Variants in PNPLA1 observed in about 807,000 individuals in gnomAD.
PNPLA1 encodes the protein omega-hydroxyceramide transacylase.
PNPLA1 carries 36 observed loss-of-function variants against 51.7 expected under a neutral mutation model. The observed-to-expected ratio is 0.70, with a 90% confidence interval of 0.53 to 0.92. The LOEUF (loss-of-function observed/expected upper bound fraction) is 0.92. PNPLA1 is among the 40% of genes least tolerant of loss of function. The pLI, the probability that PNPLA1 is intolerant of heterozygous loss-of-function variation, is 0.00. For synonymous variants in PNPLA1, 293 were observed against 280.1 expected (o/e 1.05, Z -0.46); for missense variants, 658 against 682.5 (o/e 0.96, Z 0.40).
Position 36,263,193 on chromosome 6 carries a change from T to A in PNPLA1, c.-81+19932T>A, listed in dbSNP as rs575939089. Among the ~76,000 whole-genome samples the A allele has an allele frequency of 3.9e-5, 6 of 152,314 alleles. No homozygotes were observed. The South Asian group carries it at 1.2e-3, about 32-fold the overall frequency. ...AAAAGAATGACACAATTTATTACAT[T>A]AAAATTTAAATCTTTTGTATCACCG... On this transcript the variant is annotated intron_variant, in intron 1 of 7. Coordinates refer to the PNPLA1 transcript ENST00000312917.
At chr6:36,304,769 A>C (rs1337753666) in intron 6 of PNPLA1, among the ~76,000 whole-genome samples, 3 of 152,064 alleles carry the variant, frequency 2.0e-5, no homozygotes, top group African/African-American at 7.2e-5. Flanking sequence ...TACCTGAGCA[A>C]TCCTGCACCC....
At chr6:36,288,032 C>T (rs1262437392) in intron 1 of PNPLA1, among the ~76,000 whole-genome samples, 2 of 152,190 alleles carry the variant, frequency 1.3e-5, no homozygotes, top group East Asian at 3.8e-4. Context: ...TGTCACCCAA[C>T]CCTACCCCTG....
At chr6:36,310,624 G>C (rs1331545928) in intron 8 of PNPLA1, among the ~76,000 whole-genome samples, 1 of 152,204 alleles carries the variant, frequency 6.6e-6, no homozygotes, top group Admixed American at 6.5e-5. Context: ...GGCACAGAGA[G>C]GTTAAGTAAC....
chr6:36,270,751 T>C (rs977164587), intron 1 of PNPLA1, 87 bp downstream of exon 1: 1 of 1,456,108 alleles, frequency 6.9e-7, no homozygotes. Flanking sequence ...GGGGATGCTT[T>C]GGGGGACAAA....
chr6:36,284,803 AT>A (rs1262860386), intron 1 of PNPLA1, among the ~76,000 whole-genome samples: 2 of 152,132 alleles, frequency 1.3e-5, no homozygotes, highest in African/African-American at 4.8e-5. Flanking sequence ...GAACAGCCAC[AT>A]TTTTAGCTGT....
At chr6:36,249,111 G>A (rs1656372625) in intron 1 of PNPLA1, among the ~76,000 whole-genome samples, 1 of 152,186 alleles carries the variant, frequency 6.6e-6, no homozygotes, top group African/African-American at 2.4e-5. Flanking sequence ...GGTATAACCT[G>A]CATACTTTCT....
intron 1 of PNPLA1, among the ~76,000 whole-genome samples, chr6:36,282,092 G>GAAAGAAAA (rs59914317): frequency 2.5e-5 from 1 of 40,720 alleles, no homozygotes; most frequent in African/African-American, 1.2e-4. Flanking sequence ...AAAGAAAGAA[G>GAAAGAAAA]GAAGGAAGGA....
In PNPLA1 at chr6:36,302,428, C is replaced by T. The variant is rs141744967; in HGVS notation, c.1343C>T (p.Ala448Val). 1.4e-3 allele frequency: 2,184 copies of T among 1,564,312 alleles called. 2 individuals are homozygous for T. The highest frequency in any genetic ancestry group is 1.8e-3 in the Non-Finnish European group (2,040 of 1,153,842). Residue 448 changes from alanine to valine, a missense_variant, in exon 6 of 9, where the codon GCT becomes GTT. Transcript: ENST00000636260. The part of the protein sequence containing the change: ...LPRSSLSAFP[A>V]QPPVEELGQE... ...CGAAGTTCTCTTTCAGCCTTCCCTG[C>T]TCAGCCACCTGTGGAGGAACTAGGC... is the stretch of plus-strand genomic sequence containing the variant.
chr6:36,295,529 G>T lies in PNPLA1; in HGVS notation c.775+105G>T, dbSNP rs929795938. ...GGTATTCCCCCCAGATTTGTGACCC[G>T]GAGACGCCCTTCACCTGGGAGAGCT... is the stretch of plus-strand genomic sequence containing the variant. On this transcript the variant is annotated intron_variant, in intron 5 of 8. Transcript: ENST00000636260. The T allele has an allele frequency of 2.4e-6, 3 of 1,248,734 alleles. No homozygotes were observed. In the African/African-American group the frequency reaches 4.5e-5, roughly 19 times the overall value. The allele number at this position is 1,248,734 out of a possible 1,614,324, so 77.4% of individuals were successfully genotyped here.
chr6:36,250,258 C>G (rs1044826901), intron 1 of PNPLA1, among the ~76,000 whole-genome samples: 10 of 152,192 alleles, frequency 6.6e-5, no homozygotes, highest in African/African-American at 2.4e-4. Flanking sequence ...GAAGAGCCCC[C>G]TGTGGTCCCT....
In PNPLA1 at chr6:36,306,342, C is replaced by CA. The variant is rs1771233892; in HGVS notation, c.1436dup (p.His479GlnfsTer17). On this transcript the variant is annotated frameshift_variant, in exon 7 of 9. Coordinates refer to ENST00000636260, the MANE Select transcript of PNPLA1 (RefSeq NM_001374623.1). LOFTEE classifies it high-confidence loss of function. ...ACCAAAAAGCGCCGTGCCTCTGGTT[C>CA]ATGTGAAGGAAACCGTCAGCAAGCC... 6.2e-7 allele frequency: 1 copy of CA among 1,613,292 alleles called. No homozygotes were observed. The highest frequency in any genetic ancestry group is 1.3e-5 in the African/African-American group (1 of 74,966).
At position 36,305,768 on chromosome 6, in the gene PNPLA1, C is replaced by CT. The variant is rs72063246; in HGVS notation, c.1385-502dup. Among the ~76,000 whole-genome samples, 743 of 96,524 alleles carry CT rather than the reference C, an allele frequency of 7.7e-3. 11 individuals carry two copies. Among genetic ancestry groups the CT allele is most frequent in the African/African-American group, 0.015 (376 of 24,782 alleles). 63.3% of individuals were successfully genotyped at this position (96,524 alleles called of 152,430 possible). ...TTTCCTTATTTTTCTTTACTTTTCT[C>CT]TTTTTTTTTTTTTTTTTTTTTTGGT... On this transcript the variant is annotated intron_variant, in intron 6 of 8. Transcript: ENST00000636260.
chr6:36,299,359 G>A (rs1396730935), intron 5 of PNPLA1, among the ~76,000 whole-genome samples: 1 of 142,944 alleles, frequency 7.0e-6, no homozygotes, highest in African/African-American at 2.7e-5. Context: ...TTTTGAGATG[G>A]AGTCTCGCTC....
rs959830128 is a variant in PNPLA1, at chr6:36,291,998, A to G, written c.438+446A>G. 5.9e-5 allele frequency among the ~76,000 whole-genome samples: 9 copies of G among 152,194 alleles called. No homozygotes were observed. In the East Asian group the frequency reaches 1.2e-3, roughly 20 times the overall value. ...CCAGTGGCCCTTGATAAGGGATTGA[A>G]TGGTTACCAAATCAGTTAACACTTA... On this transcript the variant is annotated intron_variant, in intron 2 of 8. Transcript: ENST00000636260.
chr6:36,274,522 T>A (rs1290354929), intron 1 of PNPLA1, among the ~76,000 whole-genome samples: 1 of 152,188 alleles, frequency 6.6e-6, no homozygotes, highest in Non-Finnish European at 1.5e-5. Context: ...TATTGATGGA[T>A]CTGACCAGTT....
chr6:36,296,581 A>C (rs936227969), intron 5 of PNPLA1, among the ~76,000 whole-genome samples: 3 of 152,012 alleles, frequency 2.0e-5, no homozygotes, highest in African/African-American at 7.3e-5. Flanking sequence ...GTTGGATGAG[A>C]TTTTCTTCCT....
At chr6:36,306,581 C>T (rs527867287) in intron 7 of PNPLA1, among the ~76,000 whole-genome samples, 1 of 152,292 alleles carries the variant, frequency 6.6e-6, no homozygotes, top group Non-Finnish European at 1.5e-5. Flanking sequence ...GGGGAAGGAG[C>T]CTGTCCGTGG....
In PNPLA1 at chr6:36,291,348, T is replaced by C. The variant is rs765905779; in HGVS notation, c.234T>C (p.Gly78=). ...MDEYLRVLNV[G]VAEVKKSFLG... is the part of the protein sequence containing the mutation. ...AGTATCTCAGAGTCCTCAACGTGGG[T>C]GTGGCCGAGGTGAAGAAATCCTTCC... Residue 78 remains glycine, a synonymous_variant, in exon 2 of 9, where the codon GGT becomes GGC. Coordinates refer to ENST00000636260, the MANE Select transcript of PNPLA1 (RefSeq NM_001374623.1). The C allele has an allele frequency of 6.2e-7, 1 of 1,614,104 alleles. No individual in the cohort carries two copies. The highest frequency in any genetic ancestry group is 1.1e-5 in the South Asian group (1 of 91,074).
chr6:36,304,849 G>A (rs529168071), intron 6 of PNPLA1, among the ~76,000 whole-genome samples: 26 of 152,258 alleles, frequency 1.7e-4, no homozygotes, highest in Non-Finnish European at 3.5e-4. Flanking sequence ...TCTCTACTGG[G>A]AGTGATTTTG....
Sources: allele counts gnomAD v4.1 joint callset (sites outside exome capture counted in the v4.1 genomes callset), GRCh38; gene constraint gnomAD v4.1.1; transcripts MANE v1.5; gene names NCBI Gene and HGNC (gene_info 2026-07-23, HGNC 2026-07-21).